ARID3A: variants seen among roughly 807,000 people sequenced by gnomAD.
ARID3A encodes the protein AT-rich interaction domain 3A.
A neutral mutation model predicts 52.7 loss-of-function variants in ARID3A; 11 were observed. The observed-to-expected ratio is 0.21, with a 90% CI of 0.13 to 0.35. The LOEUF (loss-of-function observed/expected upper bound fraction) is 0.35, where lower values mean the gene tolerates loss of function less well. Ranked by LOEUF, ARID3A falls within the 10% of genes least tolerant of loss-of-function variation. The pLI, the probability that ARID3A is intolerant of heterozygous loss-of-function variation, is 1.00. For synonymous variants in ARID3A, 404 were observed against 359.4 expected (o/e 1.12, Z -1.40); for missense variants, 721 against 838.5 (o/e 0.86, Z 1.73).
rs756380727 is a variant in ARID3A, at chr19:972,418, C to T, written c.*353C>T. On this transcript the variant is annotated 3_prime_UTR_variant, in exon 9 of 9. Transcript: ENST00000263620. ...GGGCGTTCAGGCAGCCCTGATGGAC[C>T]GAAGGCTCTGGTGTCTGGTTTGGCC... The T allele has an allele frequency of 1.4e-5, 3 of 215,668 alleles. No homozygotes were observed. In the East Asian group the frequency reaches 2.0e-4, roughly 15 times the overall value. The allele number at this position is 215,668 out of a possible 1,614,324, so 13.4% of individuals were successfully genotyped here.
rs114316578 is a variant in ARID3A at position 953,783 on chromosome 19, A to G, written c.694-6309A>G. ...GGGGGCCTGTGCGTTTTACATAGAA[A>G]GACGCCAAGGCTGGGTCTGGGGGCT... On this transcript the variant is annotated intron_variant, in intron 3 of 8. Coordinates refer to ENST00000263620, the MANE Select transcript of ARID3A (RefSeq NM_005224.3). Among the ~76,000 whole-genome samples, 1,036 of 152,136 alleles carry G rather than the reference A, an allele frequency of 6.8e-3. 15 individuals are homozygous for G. Among genetic ancestry groups the G allele is most frequent in the African/African-American group, 0.024 (981 of 41,494 alleles).
chr19:969,196 G>A (rs2038226677), intron 8 of ARID3A, among the ~76,000 whole-genome samples: 1 of 151,722 alleles, frequency 6.6e-6, no homozygotes, highest in African/African-American at 2.4e-5. Flanking sequence ...GTTTTATACT[G>A]GCATCCAATG....
chr19:942,759 T>G lies in ARID3A; in HGVS notation c.693+10017T>G, dbSNP rs2037584203. Among the ~76,000 whole-genome samples the G allele has an allele frequency of 6.6e-6, 1 of 152,234 alleles. No individual in the cohort carries two copies. Among genetic ancestry groups the G allele is most frequent in the East Asian group, 1.9e-4 (1 of 5,164 alleles). Reference sequence around the variant, plus strand: ...GCCACGCTGGACATAGTGCCCAGATTCCATGCCCAGCAGCCTCCTCTGCCA... The same window carrying G: ...GCCACGCTGGACATAGTGCCCAGATGCCATGCCCAGCAGCCTCCTCTGCCA... On this transcript the variant is annotated intron_variant, in intron 3 of 8. Coordinates refer to ENST00000263620, the MANE Select transcript of ARID3A (RefSeq NM_005224.3). This position sits in a 1 kb window ranked among gnomAD's most constrained non-coding sequence, Gnocchi z 8.1.
At position 969,064 on chromosome 19, in the gene ARID3A, C is replaced by T. The variant is rs148776911; in HGVS notation, c.1594+561C>T. ...CGCCACTGCACTCCAGCCTGGGCCA[C>T]AGACCGAGACCCTGTCTCTTGAAAA... is the stretch of plus-strand genomic sequence containing the variant. On this transcript the variant is annotated intron_variant, in intron 8 of 8. Coordinates refer to ENST00000263620, the MANE Select transcript of ARID3A (RefSeq NM_005224.3). 9.4e-4 allele frequency among the ~76,000 whole-genome samples: 143 copies of T among 151,324 alleles called. 3 individuals are homozygous for T. In the East Asian group the frequency reaches 0.023, roughly 25 times the overall value.
Position 932,821 on chromosome 19 carries a change from G to A in ARID3A, c.693+79G>A, listed in dbSNP as rs948993771. On this transcript the variant is annotated intron_variant, in intron 3 of 8. Transcript: ENST00000263620. ...GGCCCTTTGAAGGCCCACGTTGCACGGGGTGTGTGCTGAGCCGGGCGTCGA... is the reference window on the plus strand; with the variant it reads ...GGCCCTTTGAAGGCCCACGTTGCACAGGGTGTGTGCTGAGCCGGGCGTCGA... 6.4e-5 allele frequency: 99 copies of A among 1,536,948 alleles called. No homozygotes were observed. The Admixed American group carries it at 1.6e-3, about 25-fold the overall frequency.
chr19:972,133 A>C lies in ARID3A; in HGVS notation c.*68A>C. ...CCTGGGCAGGGGGTCCAGGTGGGCC[A>C]CACAGGGGCCAGGATGGCGGAAGAT... is the stretch of plus-strand genomic sequence containing the variant. On this transcript the variant is annotated 3_prime_UTR_variant, in exon 9 of 9. Transcript: ENST00000263620. The C allele has an allele frequency of 7.0e-7, 1 of 1,418,696 alleles. No homozygotes were observed. Among genetic ancestry groups the C allele is most frequent in the South Asian group, 1.4e-5 (1 of 70,970 alleles). The allele number at this position is 1,418,696 out of a possible 1,614,324, so 87.9% of individuals were successfully genotyped here. A position where few individuals can be genotyped will look rare whatever the true frequency, so the allele number is the denominator to read the frequency against.
At position 947,535 on chromosome 19, in the gene ARID3A, C is replaced by T. The variant is rs952408072; in HGVS notation, c.694-12557C>T. On this transcript the variant is annotated intron_variant, in intron 3 of 8. Transcript: ENST00000263620. This position sits in a 1 kb window ranked among gnomAD's most constrained non-coding sequence, Gnocchi z 6.3. ...ACTCCCCCATCCATGTCTCAGCCCC[C>T]ACCCAGATGCCCCGGGACCGTTTCA... Among the ~76,000 whole-genome samples, 4 of 152,158 alleles carry T rather than the reference C, an allele frequency of 2.6e-5. No individual in the cohort carries two copies. The highest frequency in any genetic ancestry group is 2.0e-4 in the Admixed American group (3 of 15,278).
chr19:953,227 A>G (rs963417355), intron 3 of ARID3A, among the ~76,000 whole-genome samples: 4 of 151,720 alleles, frequency 2.6e-5, no homozygotes, highest in African/African-American at 9.7e-5. Context: ...GACTCCACTG[A>G]CCCCCTCGGA....
At chr19:949,676 CT>C (rs71335322) in intron 3 of ARID3A, among the ~76,000 whole-genome samples, 31 of 123,786 alleles carry the variant, frequency 2.5e-4, no homozygotes, top group Non-Finnish European at 2.4e-4. Flanking sequence ...CTGATTCTGT[CT>C]TTTTTTTTTT....
chr19:967,491 C>T (rs572404222), intron 7 of ARID3A, among the ~76,000 whole-genome samples: 62 of 151,986 alleles, frequency 4.1e-4, no homozygotes, highest in African/African-American at 1.5e-3. Flanking sequence ...CCCAGGAAGT[C>T]GAGGCTGCAG....
At chr19:963,154 A>T (rs1160746065) in intron 4 of ARID3A, among the ~76,000 whole-genome samples, 1 of 152,116 alleles carries the variant, frequency 6.6e-6, no homozygotes, top group African/African-American at 2.4e-5. Flanking sequence ...TCAGGGCTGC[A>T]CCCGCTCTCC....
intron 3 of ARID3A, among the ~76,000 whole-genome samples, chr19:957,415 A>T (rs1423974488): frequency 6.6e-6 from 1 of 152,228 alleles, no homozygotes; most frequent in African/African-American, 2.4e-5. Context: ...TCACCTGCAA[A>T]GCAGAGCCAG....
chr19:937,988 G>A (rs1323021108), intron 3 of ARID3A, among the ~76,000 whole-genome samples: 1 of 152,006 alleles, frequency 6.6e-6, no homozygotes, highest in Non-Finnish European at 1.5e-5. Flanking sequence ...GATTACAGGT[G>A]TGAGCCACTG....
intron 3 of ARID3A, among the ~76,000 whole-genome samples, chr19:952,780 G>C (rs2037828870): frequency 6.6e-6 from 1 of 152,052 alleles, no homozygotes; most frequent in Admixed American, 6.5e-5. Flanking sequence ...GGTTCTCCCA[G>C]GGGGCCCTGC....
rs974407278 is a variant in ARID3A, at chr19:938,931, T to TC, written c.693+6189_693+6190insC. Among the ~76,000 whole-genome samples, 4 of 84,064 alleles carry TC rather than the reference T, an allele frequency of 4.8e-5. No homozygotes were observed. Among genetic ancestry groups the TC allele is most frequent in the South Asian group, 3.7e-4 (1 of 2,682 alleles). The allele number at this position is 84,064 out of a possible 152,430, so 55.1% of individuals were successfully genotyped here. ...ACATAGATACATTATTTTATCTCTC[T>TC]TTTTTTTTTTTTTTTTTGAGACGGA... is the stretch of plus-strand genomic sequence containing the variant. On this transcript the variant is annotated intron_variant, in intron 3 of 8. Transcript: ENST00000263620. This position sits in a 1 kb window ranked among gnomAD's most constrained non-coding sequence, Gnocchi z 4.0.
At chr19:954,994 C>T (rs2079829937) in intron 3 of ARID3A, among the ~76,000 whole-genome samples, 1 of 152,208 alleles carries the variant, frequency 6.6e-6, no homozygotes, top group South Asian at 2.1e-4. Flanking sequence ...TTTGCCCAAT[C>T]TCCAGCCTGG....
chr19:943,558 A>G (rs2037603580), intron 3 of ARID3A, among the ~76,000 whole-genome samples: 2 of 151,272 alleles, frequency 1.3e-5, no homozygotes, highest in African/African-American at 4.9e-5. Context: ...ACAGAGCGAG[A>G]CTCTGTCTCA....
intron 1 of ARID3A, among the ~76,000 whole-genome samples, chr19:927,840 A>G (rs1013459131): frequency 6.6e-6 from 1 of 151,996 alleles, no homozygotes; most frequent in African/African-American, 2.4e-5. Context: ...AACAGATGGA[A>G]CAGAGGCTAT....
In ARID3A at chr19:964,092, C is replaced by T. The variant is rs1029690; in HGVS notation, c.767-156C>T. Among the ~76,000 whole-genome samples, 103,463 of 152,166 alleles carry T rather than the reference C, an allele frequency of 0.68. 35,977 individuals are homozygous for T. The highest frequency in any genetic ancestry group is 0.79 in the Middle Eastern group (232 of 294). The stretch of plus-strand genomic sequence containing the variant: ...GAGGTTCCCAGCCTGGATGATCCTG[C>T]ACCCACAGAGGGCCCTGGGCAATGT... On this transcript the variant is annotated intron_variant, in intron 4 of 8. Coordinates refer to ENST00000263620, the MANE Select transcript of ARID3A (RefSeq NM_005224.3). This position sits in a 1 kb window ranked among gnomAD's most constrained non-coding sequence, Gnocchi z 5.7.
Sources: allele counts gnomAD v4.1 joint callset (sites outside exome capture counted in the v4.1 genomes callset), GRCh38; gene constraint gnomAD v4.1.1; non-coding constraint Gnocchi (gnomAD v3.1); transcripts MANE v1.5; gene names NCBI Gene and HGNC (gene_info 2026-07-23, HGNC 2026-07-21).